TAS2R1: variants seen among roughly 807,000 people sequenced by gnomAD.
The protein encoded by TAS2R1 is taste receptor type 2 member 1.
For missense variants in TAS2R1, 370 were observed against 353.4 expected, an observed-to-expected ratio of 1.05 and a Z score of -0.38; for synonymous variants, 141 against 134.2, an observed-to-expected ratio of 1.05 and a Z score of -0.35.
intron 1 of TAS2R1, among the ~76,000 whole-genome samples, chr5:9,710,618 T>A (rs1741710382): frequency 6.6e-6 from 1 of 151,936 alleles, no homozygotes; most frequent in African/African-American, 2.4e-5. Context: ...TATTTGCAAA[T>A]CATACATCTG....
At chr5:9,719,890 C>T in the TAS2R1 span, among the ~76,000 whole-genome samples, 1 of 142,264 alleles carries the variant, frequency 7.0e-6, no homozygotes, top group Non-Finnish European at 1.5e-5. Flanking sequence ...TGCACTCCAG[C>T]CTGGGCGACA....
rs368129666 is a variant in TAS2R1, at chr5:9,662,378, G to A, written c.-241-2797C>T. Among the ~76,000 whole-genome samples, 50 of 152,308 alleles carry A rather than the reference G, an allele frequency of 3.3e-4. 2 individuals are homozygous for A. The South Asian group carries it at 6.2e-3, about 19-fold the overall frequency. ...ATTACTGCTCATTCCAAAATGCAAA[G>A]TGATGGATGATTCTGCCACGCAGAG... is the stretch of plus-strand genomic sequence containing the variant. On this transcript the variant is annotated intron_variant, in intron 1 of 2. Coordinates refer to the TAS2R1 transcript ENST00000506620.
At chr5:9,891,212 A>G in the TAS2R1 span, among the ~76,000 whole-genome samples, 1 of 152,198 alleles carries the variant, frequency 6.6e-6, no homozygotes, top group Non-Finnish European at 1.5e-5. Flanking sequence ...GCAAATCACA[A>G]CAGACTGAAT....
Position 9,673,577 on chromosome 5 carries a change from A to G in TAS2R1, c.-241-13996T>C, listed in dbSNP as rs981852991. Among the ~76,000 whole-genome samples the G allele has an allele frequency of 1.1e-4, 17 of 152,040 alleles. No individual in the cohort carries two copies. In the East Asian group the frequency reaches 3.1e-3, roughly 28 times the overall value. ...ATTCAAACAAAGTATAAAAATCAAA[A>G]TAAGTATTTTAAGAGATTTTTAAAA... On this transcript the variant is annotated intron_variant, in intron 1 of 2. Coordinates refer to the TAS2R1 transcript ENST00000506620.
intron 1 of TAS2R1, among the ~76,000 whole-genome samples, chr5:9,670,014 T>A (rs1329781567): frequency 6.6e-6 from 1 of 152,078 alleles, no homozygotes; most frequent in Non-Finnish European, 1.5e-5. Context: ...CTAGCTAGAA[T>A]AATTTTAAAA....
At chr5:9,835,597 A>G in the TAS2R1 span, among the ~76,000 whole-genome samples, 1 of 152,234 alleles carries the variant, frequency 6.6e-6, no homozygotes, top group South Asian at 2.1e-4. Flanking sequence ...GAATGACATC[A>G]TACAGCCAGA....
chr5:9,643,214 T>C (rs114254696), intron 2 of TAS2R1, among the ~76,000 whole-genome samples: 1 of 152,274 alleles, frequency 6.6e-6, no homozygotes, highest in African/African-American at 2.4e-5. Flanking sequence ...TGTGCAAACA[T>C]CATAGAGTGC....
chr5:9,778,494 T>G, the TAS2R1 span, among the ~76,000 whole-genome samples: 1 of 152,242 alleles, frequency 6.6e-6, no homozygotes, highest in African/African-American at 2.4e-5. Context: ...CTCTCTAGCT[T>G]GGAAAGTCCT....
the TAS2R1 span, among the ~76,000 whole-genome samples, chr5:9,872,207 G>A: frequency 6.6e-6 from 1 of 152,154 alleles, no homozygotes; most frequent in Non-Finnish European, 1.5e-5. Flanking sequence ...AAGTTTCCGT[G>A]TGATTCAGAG....
At chr5:9,659,872 AC>A (rs1212471985) in intron 1 of TAS2R1, 2 of 151,944 alleles carry the variant, frequency 1.3e-5, no homozygotes, top group Admixed American at 6.6e-5. Flanking sequence ...TGCAGTGAAG[AC>A]CCTTAAACTC....
the TAS2R1 span, among the ~76,000 whole-genome samples, chr5:9,745,871 A>T: frequency 1.2e-4 from 19 of 152,294 alleles, no homozygotes; most frequent in African/African-American, 4.1e-4. Context: ...ACACTTCATG[A>T]CTAAAACACC....
intron 1 of TAS2R1, among the ~76,000 whole-genome samples, chr5:9,675,651 G>C (rs1006660941): frequency 1.3e-5 from 2 of 151,894 alleles, no homozygotes; most frequent in Admixed American, 6.6e-5. Context: ...TCTTGACCTC[G>C]TGATCCACCC....
chr5:9,871,793 T>G, the TAS2R1 span, among the ~76,000 whole-genome samples: 1 of 152,158 alleles, frequency 6.6e-6, no homozygotes, highest in Non-Finnish European at 1.5e-5. Context: ...CTAGTTGCCA[T>G]TGAGCATTTT....
the TAS2R1 span, among the ~76,000 whole-genome samples, chr5:9,742,229 T>G: frequency 1.3e-5 from 2 of 152,112 alleles, no homozygotes; most frequent in Non-Finnish European, 2.9e-5. Context: ...ACTCTCCGAG[T>G]GTTTTGCTAA....
At chr5:9,814,126 G>T in the TAS2R1 span, among the ~76,000 whole-genome samples, 2 of 152,212 alleles carry the variant, frequency 1.3e-5, no homozygotes, top group South Asian at 4.1e-4. Flanking sequence ...ATCTTCCTCT[G>T]CTCTGTCTTT....
At chr5:9,816,457 A>G in the TAS2R1 span, among the ~76,000 whole-genome samples, 1 of 152,196 alleles carries the variant, frequency 6.6e-6, no homozygotes, top group Non-Finnish European at 1.5e-5. Context: ...GGAATGGAGA[A>G]TTAAAGCACA....
At chr5:9,696,515 T>C (rs1741359247) in intron 1 of TAS2R1, among the ~76,000 whole-genome samples, 1 of 151,678 alleles carries the variant, frequency 6.6e-6, no homozygotes, top group South Asian at 2.1e-4. Context: ...TGAGCTGAGA[T>C]CATGACACTG....
At chr5:9,682,457 G>A (rs1741011140) in intron 1 of TAS2R1, among the ~76,000 whole-genome samples, 1 of 152,148 alleles carries the variant, frequency 6.6e-6, no homozygotes, top group African/African-American at 2.4e-5. Flanking sequence ...AGAAAGAGAA[G>A]TGCCTTTCAC....
the TAS2R1 span, among the ~76,000 whole-genome samples, chr5:9,718,378 C>CA: frequency 2.6e-5 from 4 of 152,158 alleles, no homozygotes; most frequent in Admixed American, 2.0e-4. Context: ...AATCAAGGAT[C>CA]AAAAACCAAA....
Sources: allele counts gnomAD v4.1 joint callset (sites outside exome capture counted in the v4.1 genomes callset), GRCh38; gene constraint gnomAD v4.1.1; transcripts MANE v1.5; gene names NCBI Gene and HGNC (gene_info 2026-07-23, HGNC 2026-07-21).